The following USP47 variants were observed in gnomAD, a reference collection of about 807,000 sequenced individuals.
USP47 encodes the protein ubiquitin carboxyl-terminal hydrolase 47.
USP47 carries 35 observed loss-of-function variants against 165.1 expected under a neutral mutation model. That is an observed-to-expected ratio of 0.21 (90% CI 0.16 to 0.28). USP47 has a LOEUF of 0.28. Among genes scored for constraint, USP47 ranks in the 10% least tolerant of loss-of-function variants. The probability of loss-of-function intolerance (pLI) is 1.00; values close to 1 mark genes in which losing one functional copy is unlikely to be tolerated. For synonymous variants in USP47, 531 were observed against 544.5 expected, an observed-to-expected ratio of 0.98 and a Z score of 0.35; for missense variants, 1,277 against 1,607.4, an observed-to-expected ratio of 0.79 and a Z score of 3.52.
intron 1 of USP47, among the ~76,000 whole-genome samples, chr11:11,862,209 T>C (rs751798829): frequency 6.6e-6 from 1 of 152,050 alleles, no homozygotes; most frequent in Non-Finnish European, 1.5e-5. Flanking sequence ...ATTAAGTTTT[T>C]AAAGCACACT....
At chr11:11,857,221 A>G (rs1321543256) in intron 1 of USP47, among the ~76,000 whole-genome samples, 1 of 152,136 alleles carries the variant, frequency 6.6e-6, no homozygotes, top group Non-Finnish European at 1.5e-5. Context: ...ATGAATTTAT[A>G]TACATTTCCT....
At chr11:11,882,302 A>C (rs1850883465) in intron 2 of USP47, among the ~76,000 whole-genome samples, 1 of 152,150 alleles carries the variant, frequency 6.6e-6, no homozygotes, top group Non-Finnish European at 1.5e-5. Flanking sequence ...TCTAACAGTC[A>C]GTGAAGTTGA....
chr11:11,879,017 A>G (rs918565345), intron 1 of USP47, among the ~76,000 whole-genome samples: 4 of 152,198 alleles, frequency 2.6e-5, no homozygotes, highest in South Asian at 2.1e-4. Context: ...TGAATAGCCC[A>G]TTATGGAGAT....
intron 11 of USP47, among the ~76,000 whole-genome samples, chr11:11,923,566 G>C (rs575912974): frequency 5.9e-5 from 9 of 152,092 alleles, no homozygotes; most frequent in African/African-American, 1.7e-4. Context: ...CATATATTCT[G>C]TTTTATTGAG....
chr11:11,858,521 G>GTTGTC (rs1849192952), intron 1 of USP47, among the ~76,000 whole-genome samples: 1 of 152,076 alleles, frequency 6.6e-6, no homozygotes, highest in Non-Finnish European at 1.5e-5. Context: ...AAAGTTCTCT[G>GTTGTC]TTGTCTCTTC....
chr11:11,917,021 A>C (rs7481307), intron 8 of USP47, among the ~76,000 whole-genome samples: 64,924 of 151,862 alleles, frequency 0.43, 14,519 homozygotes, highest in Middle Eastern at 0.76. Context: ...GTTGTGGTGG[A>C]ATGTGCCTGT....
At chr11:11,891,564 C>T (rs150308304) in intron 3 of USP47, among the ~76,000 whole-genome samples, 79 of 152,346 alleles carry the variant, frequency 5.2e-4, no homozygotes, top group African/African-American at 1.7e-3. Flanking sequence ...CAGTTCTGTT[C>T]TAATTGCTTG....
intron 5 of USP47, among the ~76,000 whole-genome samples, chr11:11,900,255 G>T (rs1852126444): frequency 6.6e-6 from 1 of 151,070 alleles, no homozygotes; most frequent in South Asian, 2.1e-4. Context: ...GCCTCCTGGG[G>T]TTCATGTTCA....
intron 8 of USP47, among the ~76,000 whole-genome samples, chr11:11,908,812 A>G (rs1852759419): frequency 6.6e-6 from 1 of 152,180 alleles, no homozygotes; most frequent in Non-Finnish European, 1.5e-5. Flanking sequence ...CAATATTGAA[A>G]GGCTCTTCTG....
intron 1 of USP47, among the ~76,000 whole-genome samples, chr11:11,861,133 C>T (rs1166443237): frequency 3.9e-5 from 6 of 151,998 alleles, no homozygotes; most frequent in Non-Finnish European, 8.8e-5. Context: ...CCCGCTCTGT[C>T]GCCCAAGCTG....
intron 7 of USP47, among the ~76,000 whole-genome samples, chr11:11,904,160 G>A (rs569004268): frequency 7.2e-5 from 11 of 152,272 alleles, no homozygotes; most frequent in South Asian, 4.1e-4. Context: ...ACAGTTATAT[G>A]CACTGGGTTG....
intron 1 of USP47, among the ~76,000 whole-genome samples, chr11:11,853,640 A>C (rs913087779): frequency 2.0e-5 from 3 of 152,222 alleles, no homozygotes; most frequent in Non-Finnish European, 4.4e-5. Flanking sequence ...GTGTGGAAGT[A>C]ATAATTGCCC....
At chr11:11,870,717 G>A (rs1849982347) in intron 1 of USP47, among the ~76,000 whole-genome samples, 1 of 152,068 alleles carries the variant, frequency 6.6e-6, no homozygotes, top group South Asian at 2.1e-4. Flanking sequence ...GGCCTCCGTG[G>A]TTTCTGGTAA....
chr11:11,936,068 T>G (rs1423690061), intron 16 of USP47, among the ~76,000 whole-genome samples: 1 of 151,780 alleles, frequency 6.6e-6, no homozygotes, highest in Non-Finnish European at 1.5e-5. Context: ...AAAAATGTAT[T>G]TAGTACATGC....
At chr11:11,844,052 AT>A (rs1716955489) in intron 1 of USP47, among the ~76,000 whole-genome samples, 2 of 151,962 alleles carry the variant, frequency 1.3e-5, no homozygotes, top group South Asian at 4.2e-4. Context: ...TTCTTCTTTG[AT>A]GGCCACACTC....
chr11:11,847,476 A>C (rs1848493178), intron 1 of USP47, among the ~76,000 whole-genome samples: 1 of 152,154 alleles, frequency 6.6e-6, no homozygotes, highest in African/African-American at 2.4e-5. Flanking sequence ...TCTAGGACCC[A>C]CAAATTAAAT....
intron 4 of USP47, among the ~76,000 whole-genome samples, chr11:11,895,731 G>T (rs1851805706): frequency 6.6e-6 from 1 of 151,702 alleles, no homozygotes; most frequent in Non-Finnish European, 1.5e-5. Flanking sequence ...CTAAATCCAT[G>T]ATACCTGTCT....
rs543445068 is a variant in USP47 at position 11,957,485 on chromosome 11, A to G, written c.*1310A>G. On this transcript the variant is annotated 3_prime_UTR_variant, in exon 28 of 28. Transcript: ENST00000527733. ...TTCATGCCAGATGCTGTTTACAACA[A>G]TGAACATGCCAATAAAACATTTGTT... 1.5e-4 allele frequency: 23 copies of G among 152,788 alleles called. No individual in the cohort carries two copies. The highest frequency in any genetic ancestry group is 6.5e-4 in the Admixed American group (10 of 15,304). 9.5% of individuals were successfully genotyped at this position (152,788 alleles called of 1,614,324 possible).
At chr11:11,860,335 G>C (rs937512559) in intron 1 of USP47, among the ~76,000 whole-genome samples, 1 of 151,806 alleles carries the variant, frequency 6.6e-6, no homozygotes, top group Admixed American at 6.6e-5. Flanking sequence ...TAAATGATTC[G>C]TGTAGGATTA....
Sources: gnomAD v4.1 joint callset for allele counts (sites outside exome capture counted in the v4.1 genomes callset) on GRCh38, gnomAD v4.1.1 for gene constraint, MANE v1.5 for transcripts, NCBI Gene and HGNC (gene_info 2026-07-23, HGNC 2026-07-21) for gene names.